Variants in OGFR observed in about 807,000 individuals in gnomAD.
OGFR encodes the protein protein 7-60.
In OGFR, 18 loss-of-function variants were observed where a neutral mutation model predicts 33.6. The observed-to-expected ratio is 0.54, with a 90% CI of 0.37 to 0.80. The LOEUF is 0.80. Ranked by LOEUF, OGFR falls within the 30% of genes least tolerant of loss-of-function variation. The probability of loss-of-function intolerance (pLI) is 0.00; values close to 1 mark genes in which losing one functional copy is unlikely to be tolerated. For synonymous variants in OGFR, 370 were observed against 400.7 expected, an observed-to-expected ratio of 0.92 and a Z score of 0.91; for missense variants, 877 against 955.8, an observed-to-expected ratio of 0.92 and a Z score of 1.09.
In OGFR at chr20:62,807,524, C is replaced by T. The variant is rs779384790; in HGVS notation, c.172-13C>T. On this transcript the variant is annotated splice_polypyrimidine_tract_variant and intron_variant, in intron 1 of 6. Transcript: ENST00000290291. The stretch of plus-strand genomic sequence containing the variant: ...TCCCATGGGGGTCCTAATCCCATCT[C>T]TTTTCTTCCCAGTCCAGAATGACAG... The T allele has an allele frequency of 6.8e-6, 11 of 1,611,766 alleles. No individual in the cohort carries two copies. Among genetic ancestry groups the T allele is most frequent in the Non-Finnish European group, 9.3e-6 (11 of 1,179,306 alleles).
Position 62,804,933 on chromosome 20 carries a change from G to C in OGFR, c.74G>C (p.Cys25Ser), listed in dbSNP as rs1307980130. The change falls in exon 1 of 7, where the codon TGC becomes TCC. Residue 25 changes from cysteine to serine, a missense_variant. Transcript: ENST00000290291. ...EDAEDAEDED[C>S]EDGEAAGARD... ...GCGGAGGACGCGGAGGACGAGGACT[G>C]CGAGGACGGCGAGGCCGCCGGCGCG... The C allele has an allele frequency of 3.3e-6, 5 of 1,494,194 alleles. No individual in the cohort carries two copies. In the South Asian group the frequency reaches 6.3e-5, roughly 19 times the overall value. 92.6% of individuals were successfully genotyped at this position (1,494,194 alleles called of 1,614,324 possible).
chr20:62,813,993 G>T lies in OGFR; in HGVS notation c.*344G>T. 1 of 372,810 alleles carries T rather than the reference G, an allele frequency of 2.7e-6. No homozygotes were observed. The highest frequency in any genetic ancestry group is 4.9e-6 in the Non-Finnish European group (1 of 203,766). The allele number at this position is 372,810 out of a possible 1,614,324, so 23.1% of individuals were successfully genotyped here. A position where few individuals can be genotyped will look rare whatever the true frequency, so the allele number is the denominator to read the frequency against. On this transcript the variant is annotated 3_prime_UTR_variant, in exon 7 of 7. Coordinates refer to ENST00000290291, the MANE Select transcript of OGFR (RefSeq NM_007346.4). ...AGGCCTTTTCTGAATAAATTCATTT[G>T]ACTTTGAGTCTTTGGTATGGACCGG...
Position 62,812,913 on chromosome 20 carries a change from G to T in OGFR, c.1298G>T (p.Gly433Val). Residue 433 changes from glycine to valine, a missense_variant, in exon 7 of 7, where the codon GGT becomes GTT. Coordinates refer to ENST00000290291, the MANE Select transcript of OGFR (RefSeq NM_007346.4). ...AGGACGGGGACCCAGGAAGTGGGCG[G>T]TCAGGACCCTGGGGAGGCAGTGCAG... is the stretch of plus-strand genomic sequence containing the variant. ...SLRTGTQEVG[G>V]QDPGEAVQPC... 1.2e-6 allele frequency: 2 copies of T among 1,612,460 alleles called. No homozygotes were observed. Among genetic ancestry groups the T allele is most frequent in the Non-Finnish European group, 1.7e-6 (2 of 1,179,892 alleles).
At position 62,813,759 on chromosome 20, in the gene OGFR, A is replaced by ATG. The variant is rs1049277054; in HGVS notation, c.*111_*112dup. The ATG allele has an allele frequency of 3.0e-6, 4 of 1,329,974 alleles. No homozygotes were observed. The highest frequency in any genetic ancestry group is 4.3e-6 in the Non-Finnish European group (4 of 937,782). The allele number at this position is 1,329,974 out of a possible 1,614,324, so 82.4% of individuals were successfully genotyped here. ...GGCTCTGCTTCGTGACCCGTGACCC[A>ATG]TGACCCACAGTGCTGGCCTCCTGTG... On this transcript the variant is annotated 3_prime_UTR_variant, in exon 7 of 7. Transcript: ENST00000290291.
At chr20:62,807,946 C>T (rs542045089) in intron 2 of OGFR, 132 of 600,398 alleles carry the variant, frequency 2.2e-4, no homozygotes, top group African/African-American at 1.9e-3. Flanking sequence ...TGCAGGTTGT[C>T]CTCAGCCATT....
At chr20:62,807,645 G>A (rs758772695) in intron 2 of OGFR, 40 bp downstream of exon 2, 32 of 1,585,508 alleles carry the variant, frequency 2.0e-5, no homozygotes, top group East Asian at 1.3e-4. Flanking sequence ...GAACCCTCCC[G>A]CCAGCTGCTC....
Position 62,805,040 on chromosome 20 carries a change from C to G in OGFR, c.171+10C>G. The G allele has an allele frequency of 7.4e-7, 1 of 1,356,034 alleles. No homozygotes were observed. Among genetic ancestry groups the G allele is most frequent in the Non-Finnish European group, 9.4e-7 (1 of 1,059,646 alleles). The allele number at this position is 1,356,034 out of a possible 1,614,324, so 84.0% of individuals were successfully genotyped here. ...GCCCAGCTCGTTCCAGGTGCGGCCC[C>G]GCGGCGCGGAAGAGGCCTGGGGTCC... On this transcript the variant is annotated intron_variant, in intron 1 of 6. Transcript: ENST00000290291.
chr20:62,804,893 G>A lies in OGFR; in HGVS notation c.34G>A (p.Glu12Lys). Residue 12 changes from glutamate to lysine, a missense_variant, in exon 1 of 7, where the codon GAG (glutamate) becomes AAG (lysine). This residue lies in a region of OGFR where 760 missense variants were observed against 736.0 expected (regional missense o/e 1.03). Transcript: ENST00000290291. ...CCCCGACTGCGACTCCACCTGGGAG[G>A]AGGACGAGGAGGATGCGGAGGACGC... ...DDPDCDSTWE[E>K]DEEDAEDAED... The A allele has an allele frequency of 6.7e-7, 1 of 1,495,190 alleles. No individual in the cohort carries two copies. 92.6% of individuals were successfully genotyped at this position (1,495,190 alleles called of 1,614,324 possible). A position where few individuals can be genotyped will look rare whatever the true frequency, so the allele number is the denominator to read the frequency against.
At position 62,813,001 on chromosome 20, in the gene OGFR, T is replaced by TGAGGGTGCTGGG. The variant is rs749389164; in HGVS notation, c.1389_1400dup (p.Glu463_Gly466dup). 1.2e-6 allele frequency: 2 copies of TGAGGGTGCTGGG among 1,610,394 alleles called. No individual in the cohort carries two copies. The highest frequency in any genetic ancestry group is 1.7e-6 in the Non-Finnish European group (2 of 1,178,962). On this transcript the variant is annotated inframe_insertion, in exon 7 of 7. Coordinates refer to ENST00000290291, the MANE Select transcript of OGFR (RefSeq NM_007346.4). Reference sequence around the variant, plus strand: ...AGGTGAGGAAGCGGAGGAAGGTGGATGAGGGTGCTGGGGACAGTGCTGCGG... The same window carrying TGAGGGTGCTGGG: ...AGGTGAGGAAGCGGAGGAAGGTGGATGAGGGTGCTGGGGAGGGTGCTGGGGACAGTGCTGCGG...
At position 62,813,128 on chromosome 20, in the gene OGFR, G is replaced by C. The variant is rs1568741262; in HGVS notation, c.1513G>C (p.Glu505Gln). The change falls in exon 7 of 7, where the codon GAA becomes CAA. Residue 505 changes from glutamate to glutamine, a missense_variant. Around this residue, in one of 3 missense-constraint regions of OGFR, gnomAD observed 760 missense variants for 736.0 expected, o/e 1.03. Coordinates refer to ENST00000290291, the MANE Select transcript of OGFR (RefSeq NM_007346.4). ...HSENGVEEDT[E>Q]GRTGPKEGTP... ...TGAGAACGGGGTTGAGGAGGACACA[G>C]AAGGTCGAACGGGGCCCAAAGAAGG... is the stretch of plus-strand genomic sequence containing the variant. The C allele has an allele frequency of 3.2e-6, 5 of 1,580,272 alleles. No individual in the cohort carries two copies. Among genetic ancestry groups the C allele is most frequent in the Non-Finnish European group, 4.3e-6 (5 of 1,163,220 alleles).
rs924972517 is a variant in OGFR, at chr20:62,813,599, G to A, written c.1984G>A (p.Glu662Lys). Residue 662 changes from glutamate to lysine, a missense_variant, in exon 7 of 7, where the codon GAG (glutamate) becomes AAG (lysine). By Grantham distance (56) the Glu-to-Lys change is moderately conservative. This residue lies in a region of OGFR where 45 missense variants were observed against 38.0 expected (regional missense o/e 1.19). Coordinates refer to ENST00000290291, the MANE Select transcript of OGFR (RefSeq NM_007346.4). ...GCCAGCCAAGGCGGGGGAGGCAGCA[G>A]AGTTGCAGGACGCAGAGGTGGAGTC... is the stretch of plus-strand genomic sequence containing the variant. ...DEPAKAGEAAELQDAEVESSA... is the reference protein window; with the variant it reads ...DEPAKAGEAAKLQDAEVESSA... The A allele has an allele frequency of 1.9e-6, 3 of 1,612,896 alleles. No homozygotes were observed. The highest frequency in any genetic ancestry group is 2.5e-6 in the Non-Finnish European group (3 of 1,179,966).
Position 62,804,859 on chromosome 20 carries a change from C to A in OGFR, c.-1C>A, listed in dbSNP as rs1459370825. ...CAGCGCGAGCCCCGCCGCCGCCGAG[C>A]ATGGACGACCCCGACTGCGACTCCA... On this transcript the variant is annotated 5_prime_UTR_variant, in exon 1 of 7. Coordinates refer to ENST00000290291, the MANE Select transcript of OGFR (RefSeq NM_007346.4). 6.8e-7 allele frequency: 1 copy of A among 1,473,546 alleles called. No individual in the cohort carries two copies. The allele number at this position is 1,473,546 out of a possible 1,614,324, so 91.3% of individuals were successfully genotyped here.
intron 6 of OGFR, 65 bp downstream of exon 6, chr20:62,811,675 G>T: frequency 6.8e-7 from 1 of 1,477,462 alleles, no homozygotes. Context: ...CAGGTTTCGG[G>T]CAGGTCACAG....
In OGFR at chr20:62,812,892, C is replaced by G; in HGVS notation, c.1277C>G (p.Thr426Arg). The change falls in exon 7 of 7, where the codon ACG (threonine) becomes AGG (arginine). Residue 426 changes from threonine (T) to arginine (R), a missense_variant. Thr to Arg is a moderately conservative substitution (Grantham distance 71). Coordinates refer to ENST00000290291, the MANE Select transcript of OGFR (RefSeq NM_007346.4). ...GCCCTCAGCCAGGGCAGCCTCAGGA[C>G]GGGGACCCAGGAAGTGGGCGGTCAG... ...GCALSQGSLR[T>R]GTQEVGGQDP... 6.2e-7 allele frequency: 1 copy of G among 1,612,456 alleles called. No individual in the cohort carries two copies. The highest frequency in any genetic ancestry group is 8.5e-7 in the Non-Finnish European group (1 of 1,179,878).
At chr20:62,806,580 G>A (rs1408979125) in intron 1 of OGFR, 1 of 152,106 alleles carries the variant, frequency 6.6e-6, no homozygotes, top group Non-Finnish European at 1.5e-5. Context: ...AAAAAAATAA[G>A]AAAGAAAAAT....
At chr20:62,811,357 G>C in intron 5 of OGFR, 105 bp from the exon 6 acceptor site, 4 of 1,217,676 alleles carry the variant, frequency 3.3e-6, no homozygotes, top group Non-Finnish European at 4.7e-6. Context: ...CTGTCTGTCT[G>C]TCTAGTCCAG....
Position 62,808,058 on chromosome 20 carries a change from G to T in OGFR, c.241-189G>T, listed in dbSNP as rs189891067. 330 of 656,564 alleles carry T rather than the reference G, an allele frequency of 5.0e-4. 1 individual carries two copies. The African/African-American group carries it at 5.3e-3, about 11-fold the overall frequency. The allele number at this position is 656,564 out of a possible 1,614,324, so 40.7% of individuals were successfully genotyped here. On this transcript the variant is annotated intron_variant, in intron 2 of 6. Coordinates refer to ENST00000290291, the MANE Select transcript of OGFR (RefSeq NM_007346.4). ...CTGGCTGGCGAAATGGGGAAGGGGG[G>T]TCCCTGGGGCTTGGAGGCAGCTGCT...
intron 4 of OGFR, among the ~76,000 whole-genome samples, chr20:62,810,282 C>T (rs960555515): frequency 1.3e-5 from 2 of 152,196 alleles, no homozygotes; most frequent in Non-Finnish European, 1.5e-5. Context: ...GCTGAGCATG[C>T]AGGCTGTGAC....
At chr20:62,807,326 G>A (rs1410336639) in intron 1 of OGFR, 1 of 603,588 alleles carries the variant, frequency 1.7e-6, no homozygotes, top group African/African-American at 1.9e-5. Flanking sequence ...TCTGTGCAGG[G>A]TATTGGGATG....
Sources: gnomAD v4.1 joint callset for allele counts (sites outside exome capture counted in the v4.1 genomes callset) on GRCh38, gnomAD v4.1.1 for gene constraint, gnomAD v4.1.1 regional missense constraint, MANE v1.5 for transcripts, NCBI Gene and HGNC (gene_info 2026-07-23, HGNC 2026-07-21) for gene names.